SMARCA2: variants seen among roughly 807,000 people sequenced by gnomAD.
SMARCA2 encodes the protein SWI/SNF-related matrix-associated actin-dependent regulator of chromatin subfamily A member 2.
Under a neutral mutation model 199.8 loss-of-function variants are expected in SMARCA2, and 61 were observed. That is an observed-to-expected ratio of 0.31 (90% CI 0.25 to 0.38). The LOEUF (loss-of-function observed/expected upper bound fraction) is 0.38. Among genes scored for constraint, SMARCA2 ranks in the 10% least tolerant of loss-of-function variants. The pLI, the probability that SMARCA2 is intolerant of heterozygous loss-of-function variation, is 1.00. For missense variants in SMARCA2, 1,344 were observed against 2,012.2 expected (o/e 0.67, Z 6.35); for synonymous variants, 935 against 732.0 (o/e 1.28, Z -4.48).
intron 1 of SMARCA2, among the ~76,000 whole-genome samples, chr9:2,028,221 C>G (rs1818916448): frequency 6.6e-6 from 1 of 152,210 alleles, no homozygotes; most frequent in South Asian, 2.1e-4. Flanking sequence ...AATTAATTAG[C>G]TGGCAAGAGG....
chr9:2,125,526 G>C (rs1173298930), intron 27 of SMARCA2, among the ~76,000 whole-genome samples: 3 of 135,008 alleles, frequency 2.2e-5, no homozygotes, highest in African/African-American at 8.6e-5. Context: ...GTCTCTCTCT[G>C]TCACTGAGGC....
At chr9:2,184,995 G>T (rs537661880) in intron 31 of SMARCA2, among the ~76,000 whole-genome samples, 1 of 152,294 alleles carries the variant, frequency 6.6e-6, no homozygotes, top group African/African-American at 2.4e-5. Flanking sequence ...TTCCTAAAGA[G>T]CAGGGGTTGT....
chr9:2,058,024 A>C (rs932113949), intron 7 of SMARCA2: 1 of 277,528 alleles, frequency 3.6e-6, no homozygotes, highest in African/African-American at 2.2e-5. Flanking sequence ...CGATCTTTCC[A>C]TTCTCATGTG....
intron 29 of SMARCA2, among the ~76,000 whole-genome samples, chr9:2,176,741 A>AGAGAT (rs1826634549): frequency 7.0e-6 from 1 of 143,052 alleles, no homozygotes; most frequent in Admixed American, 7.1e-5. Flanking sequence ...TTTTTTTTGT[A>AGAGAT]GAGATGAGGT....
rs550470779 is a variant in SMARCA2, at chr9:2,052,481, A to G, written c.1047-2116A>G. ...ACAGAGCGAGACTCCATCTCAAACA[A>G]ACAAAGAAAAAACAATAACGACAGC... On this transcript the variant is annotated intron_variant, in intron 5 of 33. Coordinates refer to ENST00000349721, the MANE Select transcript of SMARCA2 (RefSeq NM_003070.5). Among the ~76,000 whole-genome samples, 4 of 152,364 alleles carry G rather than the reference A, an allele frequency of 2.6e-5. No homozygotes were observed. In the East Asian group the frequency reaches 7.7e-4, roughly 29 times the overall value.
At chr9:2,093,190 C>T (rs1822133632) in intron 19 of SMARCA2, among the ~76,000 whole-genome samples, 1 of 152,160 alleles carries the variant, frequency 6.6e-6, no homozygotes, top group Non-Finnish European at 1.5e-5. Context: ...ATCATCCCAC[C>T]AATCAGAATG....
At chr9:2,141,475 G>A (rs1284943484) in intron 27 of SMARCA2, among the ~76,000 whole-genome samples, 4 of 151,980 alleles carry the variant, frequency 2.6e-5, no homozygotes. Context: ...ATGGCACAAG[G>A]TAATGGCACC....
chr9:2,060,545 C>G (rs1820543446), intron 8 of SMARCA2, among the ~76,000 whole-genome samples: 1 of 152,220 alleles, frequency 6.6e-6, no homozygotes, highest in Non-Finnish European at 1.5e-5. Context: ...AAACAAAGAG[C>G]TTGGCTCAGA....
intron 22 of SMARCA2, 85 bp from the exon 23 acceptor site, chr9:2,103,918 C>A: frequency 8.9e-7 from 1 of 1,122,730 alleles, no homozygotes; most frequent in South Asian, 1.4e-5. Flanking sequence ...GTACAAAGGA[C>A]TATATGAAAA....
intron 27 of SMARCA2, among the ~76,000 whole-genome samples, chr9:2,155,443 T>C (rs1470754223): frequency 2.6e-5 from 4 of 152,002 alleles, no homozygotes; most frequent in East Asian, 3.9e-4. Flanking sequence ...CCACCACACC[T>C]GGCTAATGTT....
At chr9:2,153,777 G>A (rs1367114623) in intron 27 of SMARCA2, among the ~76,000 whole-genome samples, 3 of 151,944 alleles carry the variant, frequency 2.0e-5, no homozygotes, top group Admixed American at 6.6e-5. Flanking sequence ...AACTTGCATG[G>A]TTACTTTTAT....
In SMARCA2 at chr9:2,047,219, T is replaced by C; in HGVS notation, c.791-10T>C. 9.9e-7 allele frequency: 1 copy of C among 1,010,716 alleles called. No individual in the cohort carries two copies. Among genetic ancestry groups the C allele is most frequent in the Non-Finnish European group, 1.2e-6 (1 of 846,980 alleles). The allele number at this position is 1,010,716 out of a possible 1,614,324, so 62.6% of individuals were successfully genotyped here. On this transcript the variant is annotated splice_polypyrimidine_tract_variant and intron_variant, in intron 4 of 33. Coordinates refer to ENST00000349721, the MANE Select transcript of SMARCA2 (RefSeq NM_003070.5). The stretch of plus-strand genomic sequence containing the variant: ...CCGCCCGAGCTGCCCATGTCGCTCT[T>C]GTCCCGCAGGCCCGGGGCCGGAGCT...
chr9:2,074,400 G>A (rs776540357), intron 12 of SMARCA2, among the ~76,000 whole-genome samples: 6 of 152,252 alleles, frequency 3.9e-5, no homozygotes, highest in African/African-American at 7.2e-5. Flanking sequence ...TATAGGTGCC[G>A]AGGACAAGGT....
intron 1 of SMARCA2, among the ~76,000 whole-genome samples, chr9:2,023,100 G>A (rs923493163): frequency 3.3e-5 from 5 of 152,184 alleles, no homozygotes; most frequent in African/African-American, 1.2e-4. Flanking sequence ...TGCATCGCTG[G>A]TAGACTCTTT....
intron 27 of SMARCA2, among the ~76,000 whole-genome samples, chr9:2,134,934 G>A (rs1328496552): frequency 6.6e-6 from 1 of 152,138 alleles, no homozygotes; most frequent in Non-Finnish European, 1.5e-5. Context: ...AGAAATAAGT[G>A]TATGTTATTT....
At chr9:2,164,001 C>G (rs1026095987) in intron 28 of SMARCA2, among the ~76,000 whole-genome samples, 2 of 152,130 alleles carry the variant, frequency 1.3e-5, no homozygotes, top group East Asian at 1.9e-4. Flanking sequence ...TCTGGCAGCA[C>G]TTTGCCCAGC....
intron 27 of SMARCA2, among the ~76,000 whole-genome samples, chr9:2,143,678 A>G (rs1824574527): frequency 6.6e-6 from 1 of 152,234 alleles, no homozygotes; most frequent in Admixed American, 6.5e-5. Flanking sequence ...AAAGATTTCC[A>G]GGAGAGATAA....
At chr9:2,052,335 G>A (rs1053957178) in intron 5 of SMARCA2, among the ~76,000 whole-genome samples, 7 of 152,272 alleles carry the variant, frequency 4.6e-5, no homozygotes, top group South Asian at 2.1e-4. Context: ...TTAGCTGGGC[G>A]TGGTGGCACG....
At chr9:2,152,842 C>T (rs1825148001) in intron 27 of SMARCA2, among the ~76,000 whole-genome samples, 1 of 151,612 alleles carries the variant, frequency 6.6e-6, no homozygotes, top group South Asian at 2.1e-4. Flanking sequence ...ACAGAGGGAG[C>T]AAGACTGTCT....
Sources: allele counts gnomAD v4.1 joint callset (sites outside exome capture counted in the v4.1 genomes callset), GRCh38; gene constraint gnomAD v4.1.1; transcripts MANE v1.5; gene names NCBI Gene and HGNC (gene_info 2026-07-23, HGNC 2026-07-21).